Variants in TSPAN2 observed in about 807,000 individuals in gnomAD.
TSPAN2 encodes the protein tetraspanin-2.
In TSPAN2, 24 loss-of-function variants were observed where a neutral mutation model predicts 33.3. That is an observed-to-expected ratio of 0.72 (90% CI 0.52 to 1.01). The LOEUF (loss-of-function observed/expected upper bound fraction) is 1.01, where lower values mean the gene tolerates loss of function less well. Ranked by LOEUF, TSPAN2 falls within the 50% of genes least tolerant of loss-of-function variation. TSPAN2 has a pLI of 0.00. For missense variants in TSPAN2, 278 were observed against 281.3 expected (o/e 0.99, Z 0.08); for synonymous variants, 114 against 104.5 (o/e 1.09, Z -0.56).
intron 2 of TSPAN2, among the ~76,000 whole-genome samples, chr1:115,069,706 T>G (rs544733698): frequency 2.9e-4 from 44 of 152,330 alleles, no homozygotes; most frequent in Non-Finnish European, 4.3e-4. Flanking sequence ...TAGGTGTCTG[T>G]GATTTGCAAT....
chr1:115,065,888 T>C (rs1647931676), intron 2 of TSPAN2, among the ~76,000 whole-genome samples: 1 of 152,190 alleles, frequency 6.6e-6, no homozygotes, highest in African/African-American at 2.4e-5. Context: ...AAGCAGCTTC[T>C]CTTTATCTCC....
intron 1 of TSPAN2, among the ~76,000 whole-genome samples, chr1:115,074,031 A>C (rs754992686): frequency 6.6e-6 from 1 of 152,192 alleles, no homozygotes; most frequent in Non-Finnish European, 1.5e-5. Flanking sequence ...GAAAGTAAGC[A>C]GAGATATAAA....
chr1:115,070,796 G>A (rs1046226221), intron 2 of TSPAN2, among the ~76,000 whole-genome samples: 2 of 152,060 alleles, frequency 1.3e-5, no homozygotes, highest in Admixed American at 6.5e-5. Context: ...CACTTAGCTG[G>A]CATTTAGTCA....
chr1:115,064,082 T>G (rs531178920), intron 2 of TSPAN2, among the ~76,000 whole-genome samples: 1 of 152,214 alleles, frequency 6.6e-6, no homozygotes, highest in South Asian at 2.1e-4. Context: ...ATTCACTGTG[T>G]TGCAATGTTT....
chr1:115,069,099 C>T (rs1648060030), intron 2 of TSPAN2, among the ~76,000 whole-genome samples: 1 of 152,188 alleles, frequency 6.6e-6, no homozygotes, highest in South Asian at 2.1e-4. Context: ...GTGCCTTTAC[C>T]ACCAACCACT....
chr1:115,086,105 C>T (rs946166408), intron 1 of TSPAN2, among the ~76,000 whole-genome samples: 1 of 152,112 alleles, frequency 6.6e-6, no homozygotes, highest in African/African-American at 2.4e-5. Context: ...AGAGAGCTAA[C>T]ATTTATTGAA....
intron 7 of TSPAN2, among the ~76,000 whole-genome samples, chr1:115,051,619 T>A (rs1412542928): frequency 6.6e-6 from 1 of 152,164 alleles, no homozygotes; most frequent in East Asian, 1.9e-4. Context: ...ATGCTTATTT[T>A]AAAAAATGGG....
rs5777209 is a variant in TSPAN2 at position 115,049,989 on chromosome 1, GAC to G, written c.*499_*500del. On this transcript the variant is annotated 3_prime_UTR_variant, in exon 8 of 8. Coordinates refer to ENST00000369516, the MANE Select transcript of TSPAN2 (RefSeq NM_005725.6). ...CCAGGAAACCCTTACACCCAACTTA[GAC>G]ACAGTCAGTTTTAACACTCCATTGT... The G allele has an allele frequency of 0.21, 34,887 of 167,884 alleles. 4,286 individuals are homozygous for G. Among genetic ancestry groups the G allele is most frequent in the Non-Finnish European group, 0.27 (20,951 of 78,760 alleles). The allele number at this position is 167,884 out of a possible 1,614,324, so 10.4% of individuals were successfully genotyped here.
At chr1:115,052,667 T>A (rs1437001752) in intron 7 of TSPAN2, among the ~76,000 whole-genome samples, 1 of 152,182 alleles carries the variant, frequency 6.6e-6, no homozygotes, top group Non-Finnish European at 1.5e-5. Context: ...CTTTTGTACT[T>A]TAGAAGTACA....
intron 1 of TSPAN2, among the ~76,000 whole-genome samples, chr1:115,074,122 TC>T (rs1648301384): frequency 6.6e-6 from 1 of 152,118 alleles, no homozygotes. Context: ...TTTAGAGGCT[TC>T]CCCTGCCCAA....
chr1:115,085,133 G>A (rs928170344), intron 1 of TSPAN2, among the ~76,000 whole-genome samples: 2 of 152,214 alleles, frequency 1.3e-5, no homozygotes, highest in Non-Finnish European at 2.9e-5. Context: ...AAAAAAAAAG[G>A]TGATTTCAAT....
At position 115,050,035 on chromosome 1, in the gene TSPAN2, G is replaced by T. The variant is rs1049943189; in HGVS notation, c.*455C>A. On this transcript the variant is annotated 3_prime_UTR_variant, in exon 8 of 8. Transcript: ENST00000369516. Reference sequence around the variant, plus strand: ...CCATTGTGATCTCTCAATTCTTACAGCTTATTACTTCCATTAAGAAGAAAT... The same window carrying T: ...CCATTGTGATCTCTCAATTCTTACATCTTATTACTTCCATTAAGAAGAAAT... 8 of 226,444 alleles carry T rather than the reference G, an allele frequency of 3.5e-5. No individual in the cohort carries two copies. 14.0% of individuals were successfully genotyped at this position (226,444 alleles called of 1,614,324 possible). A position where few individuals can be genotyped will look rare whatever the true frequency, so the allele number is the denominator to read the frequency against.
intron 2 of TSPAN2, among the ~76,000 whole-genome samples, chr1:115,062,527 T>A (rs1372823974): frequency 6.6e-6 from 1 of 152,130 alleles, no homozygotes; most frequent in Non-Finnish European, 1.5e-5. Flanking sequence ...ATCATTCAGG[T>A]GGGGATTTCA....
At chr1:115,073,707 A>G (rs1203956643) in intron 1 of TSPAN2, among the ~76,000 whole-genome samples, 2 of 151,906 alleles carry the variant, frequency 1.3e-5, no homozygotes, top group Non-Finnish European at 2.9e-5. Flanking sequence ...AGGAAAAAAT[A>G]ATTTTCTGAA....
At chr1:115,054,738 A>T (rs1042192938) in intron 6 of TSPAN2, among the ~76,000 whole-genome samples, 48 of 152,160 alleles carry the variant, frequency 3.2e-4, no homozygotes, top group Non-Finnish European at 7.3e-5. Flanking sequence ...CTGTAATCCC[A>T]GCACTTGGGA....
intron 2 of TSPAN2, among the ~76,000 whole-genome samples, chr1:115,066,911 G>A (rs970270523): frequency 6.6e-6 from 1 of 152,146 alleles, no homozygotes; most frequent in African/African-American, 2.4e-5. Flanking sequence ...TTTCCTTTGA[G>A]AGTCAGGATA....
In TSPAN2 at chr1:115,074,090, T is replaced by C. The variant is rs550786768; in HGVS notation, c.70-1083A>G. 1.8e-4 allele frequency among the ~76,000 whole-genome samples: 28 copies of C among 152,256 alleles called. 1 individual carries two copies. The highest frequency in any genetic ancestry group is 3.4e-3 in the Middle Eastern group (1 of 294). On this transcript the variant is annotated intron_variant, in intron 1 of 7. Coordinates refer to ENST00000369516, the MANE Select transcript of TSPAN2 (RefSeq NM_005725.6). ...CCATCCAGTTGCTGTTGGGCTGCCCTAGTCTACCACTAAATGAACAATTTA... is the reference window on the plus strand; with the variant it reads ...CCATCCAGTTGCTGTTGGGCTGCCCCAGTCTACCACTAAATGAACAATTTA...
chr1:115,079,183 CAAAT>C (rs1200699669), intron 1 of TSPAN2, among the ~76,000 whole-genome samples: 2 of 145,858 alleles, frequency 1.4e-5, no homozygotes, highest in African/African-American at 5.2e-5. Context: ...ATGCTGCACT[CAAAT>C]GAAAGAATGA....
chr1:115,074,569 G>A (rs78347964), intron 1 of TSPAN2, among the ~76,000 whole-genome samples: 4,777 of 152,280 alleles, frequency 0.031, 123 homozygotes, highest in Non-Finnish European at 0.042. Context: ...TTTAAAAAAA[G>A]GGTGGCATGT....
Sources: gnomAD v4.1 joint callset for allele counts (sites outside exome capture counted in the v4.1 genomes callset) on GRCh38, gnomAD v4.1.1 for gene constraint, MANE v1.5 for transcripts, NCBI Gene and HGNC (gene_info 2026-07-23, HGNC 2026-07-21) for gene names.